Variants in GARIN2 observed in about 807,000 individuals in gnomAD.
The protein encoded by GARIN2 is Golgi-associated RAB2 interactor protein 2.
At chr14:67,225,962 T>TGTGTGTGTGTGTGTGCGCGCGCGC in the GARIN2 span, among the ~76,000 whole-genome samples, 1 of 113,490 alleles carries the variant, frequency 8.8e-6, no homozygotes, top group African/African-American at 5.1e-5. Flanking sequence ...TGTGTGTGTG[T>TGTGTGTGTGTGTGTGCGCGCGCGC]GCGCGCGCGC....
chr14:67,201,399 C>CA, the GARIN2 span: 1 of 455,774 alleles, frequency 2.2e-6, no homozygotes, highest in South Asian at 1.6e-5. Context: ...TAGAAGACCC[C>CA]AATTCTCTCT....
the GARIN2 span, among the ~76,000 whole-genome samples, chr14:67,207,034 T>TG: frequency 6.6e-6 from 1 of 152,164 alleles, no homozygotes; most frequent in Non-Finnish European, 1.5e-5. Flanking sequence ...ATTTTCCAAA[T>TG]ACGCTATAAT....
chr14:67,193,349 TATAG>T, the GARIN2 span, among the ~76,000 whole-genome samples: 1,934 of 137,452 alleles, frequency 0.014, 21 homozygotes, highest in Non-Finnish European at 0.022. Context: ...TATCTATCTA[TATAG>T]AGATATATAA....
chr14:67,227,024 A>T, the GARIN2 span, among the ~76,000 whole-genome samples: 1 of 152,232 alleles, frequency 6.6e-6, no homozygotes, highest in Non-Finnish European at 1.5e-5. Context: ...CAATGATTTC[A>T]ATCCCTTGAT....
the GARIN2 span, chr14:67,223,874 A>C: frequency 1.0e-6 from 1 of 985,800 alleles, no homozygotes; most frequent in South Asian, 4.7e-5. Flanking sequence ...GTACCCCAAG[A>C]AAAGCAAAGA....
chr14:67,208,965 A>C, the GARIN2 span, among the ~76,000 whole-genome samples: 1 of 152,132 alleles, frequency 6.6e-6, no homozygotes, highest in Admixed American at 6.5e-5. Flanking sequence ...AATGTTGGTC[A>C]AAGATTTATG....
chr14:67,224,088 T>A, the GARIN2 span: 1 of 790,860 alleles, frequency 1.3e-6, no homozygotes, highest in Non-Finnish European at 1.5e-6. Flanking sequence ...CTCAAATTCA[T>A]CTCTCAAACC....
At chr14:67,192,210 A>G in the GARIN2 span, among the ~76,000 whole-genome samples, 3 of 152,222 alleles carry the variant, frequency 2.0e-5, no homozygotes, top group African/African-American at 7.2e-5. Context: ...TGTTGGAAAA[A>G]TATAAGCTAT....
chr14:67,202,334 G>T, the GARIN2 span, among the ~76,000 whole-genome samples: 1 of 152,088 alleles, frequency 6.6e-6, no homozygotes, highest in African/African-American at 2.4e-5. Context: ...CCAGCTACTT[G>T]GGAGGCTGAG....
the GARIN2 span, among the ~76,000 whole-genome samples, chr14:67,203,954 C>T: frequency 6.6e-6 from 1 of 152,194 alleles, no homozygotes; most frequent in Admixed American, 6.5e-5. Flanking sequence ...TCAGGTGATC[C>T]ACCCGCCTTG....
At chr14:67,221,758 A>T in the GARIN2 span, 1 of 1,612,416 alleles carries the variant, frequency 6.2e-7, no homozygotes, top group Non-Finnish European at 8.5e-7. Context: ...AATTTTTGAG[A>T]TGTGCTATTT....
At chr14:67,212,149 G>A in the GARIN2 span, among the ~76,000 whole-genome samples, 29 of 152,166 alleles carry the variant, frequency 1.9e-4, no homozygotes, top group African/African-American at 6.8e-4. Context: ...AAACACACTA[G>A]GTACATTGTA....
At chr14:67,192,741 T>C in the GARIN2 span, among the ~76,000 whole-genome samples, 2 of 150,318 alleles carry the variant, frequency 1.3e-5, no homozygotes, top group Non-Finnish European at 3.0e-5. Flanking sequence ...TATGGGGATA[T>C]ATTAATATAT....
At chr14:67,225,060 C>T in the GARIN2 span, 14 of 1,281,890 alleles carry the variant, frequency 1.1e-5, no homozygotes, top group African/African-American at 7.6e-5. Context: ...TTCTTTCTCA[C>T]TTCCTCTCTA....
the GARIN2 span, chr14:67,208,507 A>G: frequency 0.15 from 231,983 of 1,549,768 alleles, 24,916 homozygotes; most frequent in East Asian, 0.43. Flanking sequence ...TAATAAAGAA[A>G]TATGTGCTTT....
At chr14:67,197,589 C>T in the GARIN2 span, among the ~76,000 whole-genome samples, 1 of 151,920 alleles carries the variant, frequency 6.6e-6, no homozygotes, top group African/African-American at 2.4e-5. Flanking sequence ...TTTCCACCGA[C>T]TTAGAGTCTC....
At chr14:67,215,621 A>T in the GARIN2 span, among the ~76,000 whole-genome samples, 1 of 152,170 alleles carries the variant, frequency 6.6e-6, no homozygotes, top group Non-Finnish European at 1.5e-5. Context: ...ATGCAGAAGG[A>T]TAGAGGCAGG....
At chr14:67,223,671 T>A in the GARIN2 span, 24 of 923,020 alleles carry the variant, frequency 2.6e-5, no homozygotes, top group Non-Finnish European at 3.1e-5. Flanking sequence ...TATTAATTAT[T>A]TTCCCTGTTT....
chr14:67,221,909 G>C, the GARIN2 span: 5 of 1,445,598 alleles, frequency 3.5e-6, no homozygotes, highest in Non-Finnish European at 4.7e-6. Flanking sequence ...AAGGAATTCA[G>C]CTAGACTTTT....
Sources: allele counts gnomAD v4.1 joint callset (sites outside exome capture counted in the v4.1 genomes callset), GRCh38; gene constraint gnomAD v4.1.1; transcripts MANE v1.5; gene names NCBI Gene and HGNC (gene_info 2026-07-23, HGNC 2026-07-21).